STK32B: variants seen among roughly 807,000 people sequenced by gnomAD.
STK32B encodes serine/threonine kinase 32B.
Under a neutral mutation model 52.6 loss-of-function variants are expected in STK32B, and 43 were observed. The observed-to-expected ratio is 0.82, with a 90% CI of 0.64 to 1.05. The LOEUF (loss-of-function observed/expected upper bound fraction) is 1.05, where lower values mean the gene tolerates loss of function less well. Among genes scored for constraint, STK32B ranks in the 50% least tolerant of loss-of-function variants. STK32B has a pLI of 0.00. For missense variants in STK32B, 621 were observed against 534.6 expected (o/e 1.16, Z -1.59); for synonymous variants, 238 against 204.3 (o/e 1.17, Z -1.41).
At chr4:5,388,487 C>G (rs1736397399) in intron 4 of STK32B, among the ~76,000 whole-genome samples, 1 of 152,204 alleles carries the variant, frequency 6.6e-6, no homozygotes, top group African/African-American at 2.4e-5. Context: ...GGCTTCAGAA[C>G]ATGACACATA....
chr4:5,202,772 T>C (rs980895339), intron 3 of STK32B, among the ~76,000 whole-genome samples: 9 of 152,242 alleles, frequency 5.9e-5, no homozygotes, highest in African/African-American at 2.2e-4. Flanking sequence ...TGTCATTGGT[T>C]CCATCCCCTC....
chr4:5,142,466 A>G (rs1211480999), intron 2 of STK32B, among the ~76,000 whole-genome samples: 2 of 152,232 alleles, frequency 1.3e-5, no homozygotes, highest in Non-Finnish European at 2.9e-5. Flanking sequence ...CTGTAGGCAC[A>G]TGGAGGCACC....
In STK32B at chr4:5,398,275, T is replaced by C; in HGVS notation, c.472+31T>C. The C allele has an allele frequency of 1.2e-6, 2 of 1,613,438 alleles. No individual in the cohort carries two copies. Among genetic ancestry groups the C allele is most frequent in the Non-Finnish European group, 1.7e-6 (2 of 1,179,632 alleles). ...CCTGCTACTAATCCTTTACAGGGAC[T>C]CTCAGTGGAAAGTTTGAGGCACTGG... On this transcript the variant is annotated intron_variant, in intron 5 of 11. Transcript: ENST00000282908. The surrounding 1 kb of genome is among the most constrained non-coding windows in gnomAD (Gnocchi z 4.9).
chr4:5,364,944 C>T (rs1232159893), intron 4 of STK32B, among the ~76,000 whole-genome samples: 2 of 152,166 alleles, frequency 1.3e-5, no homozygotes, highest in African/African-American at 2.4e-5. Flanking sequence ...GGTGCAATCT[C>T]GGCCCACTGC....
chr4:5,124,990 A>C (rs1715274504), intron 1 of STK32B, among the ~76,000 whole-genome samples: 1 of 152,228 alleles, frequency 6.6e-6, no homozygotes, highest in African/African-American at 2.4e-5. Flanking sequence ...AACTATTAGC[A>C]GAAAGGAAAG....
At chr4:5,383,284 CT>C (rs2109025830) in intron 4 of STK32B, among the ~76,000 whole-genome samples, 1 of 152,306 alleles carries the variant, frequency 6.6e-6, no homozygotes, top group East Asian at 1.9e-4. Context: ...CTGCCCTCCC[CT>C]GTCACACGAG....
intron 1 of STK32B, among the ~76,000 whole-genome samples, chr4:5,120,052 G>T (rs1364021646): frequency 6.6e-6 from 1 of 152,144 alleles, no homozygotes; most frequent in Non-Finnish European, 1.5e-5. Flanking sequence ...GTTTTAAATT[G>T]CATGCCCTTC....
At chr4:5,356,471 A>T (rs1443856456) in intron 4 of STK32B, among the ~76,000 whole-genome samples, 2 of 152,162 alleles carry the variant, frequency 1.3e-5, no homozygotes, top group African/African-American at 4.8e-5. Context: ...CACTACAATC[A>T]TGTTCTGGCT....
chr4:5,151,161 G>A (rs1021788092), intron 2 of STK32B, among the ~76,000 whole-genome samples: 13 of 152,198 alleles, frequency 8.5e-5, no homozygotes, highest in African/African-American at 2.4e-5. Context: ...ATTTCTTGAT[G>A]ACACGCAAAT....
chr4:5,483,301 C>T (rs1250980462), intron 11 of STK32B, among the ~76,000 whole-genome samples: 1 of 151,656 alleles, frequency 6.6e-6, no homozygotes, highest in Non-Finnish European at 1.5e-5. Context: ...CAACTTCTTC[C>T]TGGTTTAGTC....
intron 5 of STK32B, among the ~76,000 whole-genome samples, chr4:5,410,537 A>T (rs1711580816): frequency 6.6e-6 from 1 of 152,140 alleles, no homozygotes; most frequent in Non-Finnish European, 1.5e-5. Flanking sequence ...AGTGTTCATA[A>T]AAAGAGCAAG....
At chr4:5,362,172 G>T (rs137896383) in intron 4 of STK32B, among the ~76,000 whole-genome samples, 38 of 152,282 alleles carry the variant, frequency 2.5e-4, no homozygotes, top group Non-Finnish European at 4.3e-4. Flanking sequence ...TCTCCGTGGT[G>T]CTGAAAATAG....
chr4:5,147,694 T>C (rs959095047), intron 2 of STK32B, among the ~76,000 whole-genome samples: 1 of 152,066 alleles, frequency 6.6e-6, no homozygotes, highest in Non-Finnish European at 1.5e-5. Flanking sequence ...TTTTTCTCCA[T>C]ATTTTGTTAC....
At chr4:5,341,133 C>T (rs1260268657) in intron 4 of STK32B, among the ~76,000 whole-genome samples, 1 of 152,194 alleles carries the variant, frequency 6.6e-6, no homozygotes, top group African/African-American at 2.4e-5. Flanking sequence ...TATTAACATA[C>T]AAATGAGCAC....
chr4:5,455,747 T>C (rs3821924), intron 7 of STK32B, among the ~76,000 whole-genome samples: 30,259 of 152,028 alleles, frequency 0.2, 4,073 homozygotes, highest in East Asian at 0.53. Flanking sequence ...TGACAGACAC[T>C]ACTGGGGCCC....
chr4:5,362,961 A>G (rs1734645230), intron 4 of STK32B, among the ~76,000 whole-genome samples: 1 of 152,202 alleles, frequency 6.6e-6, no homozygotes, highest in Admixed American at 6.5e-5. Flanking sequence ...AAACTCAGGC[A>G]TTATGCCCTG....
intron 11 of STK32B, among the ~76,000 whole-genome samples, chr4:5,490,189 C>A (rs1719598623): frequency 6.6e-6 from 1 of 151,880 alleles, no homozygotes; most frequent in Non-Finnish European, 1.5e-5. Flanking sequence ...TCACTGAAAC[C>A]TCTACCTCCC....
At chr4:5,059,052 C>CTTTTTT (rs3072775) in intron 1 of STK32B, among the ~76,000 whole-genome samples, 4,390 of 86,460 alleles carry the variant, frequency 0.051, 619 homozygotes, top group Middle Eastern at 0.087. Flanking sequence ...CGCCCAGCTG[C>CTTTTTT]TTTTTTTTTT....
chr4:5,392,719 C>T (rs1736663016), intron 4 of STK32B, among the ~76,000 whole-genome samples: 2 of 152,188 alleles, frequency 1.3e-5, no homozygotes, highest in Non-Finnish European at 2.9e-5. Flanking sequence ...CAATACCTAT[C>T]TCTAAGAGTT....
Sources: allele counts gnomAD v4.1 joint callset (sites outside exome capture counted in the v4.1 genomes callset), GRCh38; gene constraint gnomAD v4.1.1; non-coding constraint Gnocchi (gnomAD v3.1); transcripts MANE v1.5; gene names NCBI Gene and HGNC (gene_info 2026-07-23, HGNC 2026-07-21).